Variants in FRMD5 observed in about 807,000 individuals in gnomAD.
The protein encoded by FRMD5 is FERM domain-containing protein 5.
Under a neutral mutation model 69.0 loss-of-function variants are expected in FRMD5, and 20 were observed. That is an observed-to-expected ratio of 0.29 (90% CI 0.20 to 0.42). FRMD5 has a LOEUF of 0.42. Among genes scored for constraint, FRMD5 ranks in the 10% least tolerant of loss-of-function variants. FRMD5 has a pLI of 1.00. For synonymous variants in FRMD5, 271 were observed against 260.1 expected, an observed-to-expected ratio of 1.04 and a Z score of -0.40; for missense variants, 595 against 708.6, an observed-to-expected ratio of 0.84 and a Z score of 1.82.
chr15:44,030,205 T>TA (rs943317535), intron 1 of FRMD5, among the ~76,000 whole-genome samples: 19 of 151,900 alleles, frequency 1.3e-4, no homozygotes, highest in East Asian at 5.8e-4. Context: ...TTTTTTTTTT[T>TA]ACAAAATTAA....
intron 1 of FRMD5, among the ~76,000 whole-genome samples, chr15:44,103,082 C>T (rs564616367): frequency 2.0e-5 from 3 of 152,262 alleles, no homozygotes; most frequent in African/African-American, 7.2e-5. Flanking sequence ...CACACATGGT[C>T]AATTAGGAAG....
intron 1 of FRMD5, among the ~76,000 whole-genome samples, chr15:43,946,454 A>C (rs1466199154): frequency 3.3e-5 from 5 of 152,220 alleles, no homozygotes; most frequent in Non-Finnish European, 2.9e-5. Flanking sequence ...ATTTACACAC[A>C]TTATTTCTAA....
chr15:44,099,222 C>T (rs1322220803), intron 1 of FRMD5, among the ~76,000 whole-genome samples: 1 of 152,190 alleles, frequency 6.6e-6, no homozygotes, highest in Non-Finnish European at 1.5e-5. Context: ...AGCCACAGTT[C>T]CCTCTACCAA....
chr15:44,160,590 C>T (rs192871887), intron 1 of FRMD5, among the ~76,000 whole-genome samples: 1 of 152,202 alleles, frequency 6.6e-6, no homozygotes, highest in Non-Finnish European at 1.5e-5. Flanking sequence ...TGGTGAGCAT[C>T]TTCCTGTATT....
chr15:44,164,412 A>G (rs1418741018), intron 1 of FRMD5, among the ~76,000 whole-genome samples: 1 of 152,172 alleles, frequency 6.6e-6, no homozygotes, highest in Non-Finnish European at 1.5e-5. Context: ...CTATTCTGCA[A>G]ATTAAAATCA....
At chr15:44,156,219 C>T (rs2077525926) in intron 1 of FRMD5, among the ~76,000 whole-genome samples, 1 of 152,152 alleles carries the variant, frequency 6.6e-6, no homozygotes, top group East Asian at 1.9e-4. Flanking sequence ...TCTCGGCTCA[C>T]TGCAACCTCT....
intron 1 of FRMD5, among the ~76,000 whole-genome samples, chr15:44,074,257 A>T (rs1026486023): frequency 6.6e-6 from 1 of 152,216 alleles, no homozygotes; most frequent in Non-Finnish European, 1.5e-5. Flanking sequence ...TTTTATTTCA[A>T]AAAGCTTATT....
intron 1 of FRMD5, among the ~76,000 whole-genome samples, chr15:43,950,138 G>GCCCTC (rs1055742716): frequency 5.3e-5 from 8 of 152,310 alleles, no homozygotes; most frequent in African/African-American, 1.4e-4. Context: ...AGTGGTCTCA[G>GCCCTC]CCCTCCTAGC....
Position 44,054,200 on chromosome 15 carries a change from T to A in FRMD5, c.103-129891A>T, listed in dbSNP as rs573626141. On this transcript the variant is annotated intron_variant, in intron 1 of 13. Transcript: ENST00000417257. The stretch of plus-strand genomic sequence containing the variant: ...AAAGGATTAACAGCTACTAATAACA[T>A]GACAAACAGTGTTGTTTTAATGTTA... 1.8e-4 allele frequency among the ~76,000 whole-genome samples: 27 copies of A among 152,350 alleles called. No individual in the cohort carries two copies. The East Asian group carries it at 5.2e-3, about 29-fold the overall frequency.
intron 1 of FRMD5, among the ~76,000 whole-genome samples, chr15:43,959,588 G>C (rs991899273): frequency 1.3e-5 from 2 of 152,178 alleles, no homozygotes; most frequent in Admixed American, 1.3e-4. Context: ...CTCTAGCTGG[G>C]ACACCAACTA....
rs757365299 is a variant in FRMD5, at chr15:43,919,837, A to C, written c.208-28T>G. On this transcript the variant is annotated intron_variant, in intron 2 of 13. Transcript: ENST00000417257. The stretch of plus-strand genomic sequence containing the variant: ...GAAACAGAGAACACAGAACATGAAA[A>C]CCCTAATGAGAAGGGCTGTAAAATA... 5.6e-6 allele frequency: 9 copies of C among 1,606,478 alleles called. No homozygotes were observed. The South Asian group carries it at 9.9e-5, about 18-fold the overall frequency.
At chr15:44,077,313 A>G (rs574502300) in intron 1 of FRMD5, among the ~76,000 whole-genome samples, 2 of 152,246 alleles carry the variant, frequency 1.3e-5, no homozygotes, top group Admixed American at 1.3e-4. Context: ...TGGAGTAGGA[A>G]TATTACTAGA....
At chr15:43,961,388 G>A (rs2090197856) in intron 1 of FRMD5, among the ~76,000 whole-genome samples, 1 of 152,102 alleles carries the variant, frequency 6.6e-6, no homozygotes, top group Admixed American at 6.6e-5. Flanking sequence ...CCAATAACAG[G>A]AGCTGAAATT....
chr15:43,914,723 C>CTTTTTTTTTTTTTT lies in FRMD5; in HGVS notation c.329+4722_329+4735dup, dbSNP rs533023960. The stretch of plus-strand genomic sequence containing the variant: ...CCCAGCAACTCTATGAGGTGACTAC[C>CTTTTTTTTTTTTTT]TTTTTTTTTTTTTTTTTTTTTGAGA... On this transcript the variant is annotated intron_variant, in intron 4 of 13. Coordinates refer to ENST00000417257, the MANE Select transcript of FRMD5 (RefSeq NM_032892.5). 4.1e-4 allele frequency among the ~76,000 whole-genome samples: 45 copies of CTTTTTTTTTTTTTT among 109,362 alleles called. 5 individuals are homozygous for CTTTTTTTTTTTTTT. Among genetic ancestry groups the CTTTTTTTTTTTTTT allele is most frequent in the East Asian group, 1.4e-3 (5 of 3,662 alleles). The allele number at this position is 109,362 out of a possible 152,430, so 71.7% of individuals were successfully genotyped here.
chr15:43,919,023 T>G (rs1051913450), intron 4 of FRMD5: 1 of 293,450 alleles, frequency 3.4e-6, no homozygotes, highest in Admixed American at 4.5e-5. Flanking sequence ...ATTTTAAATC[T>G]TCAGTATCTC....
intron 1 of FRMD5, among the ~76,000 whole-genome samples, chr15:44,000,738 G>GGAGGC (rs1890174753): frequency 6.6e-6 from 1 of 152,210 alleles, no homozygotes; most frequent in African/African-American, 2.4e-5. Flanking sequence ...GGGATTACAG[G>GGAGGC]TGTGATCCAC....
chr15:43,902,062 G>C, intron 7 of FRMD5, 113 bp downstream of exon 7: 1 of 742,298 alleles, frequency 1.3e-6, no homozygotes, highest in Non-Finnish European at 2.4e-6. Context: ...CTCACTGAAA[G>C]TGCCAGCCAT....
chr15:44,178,732 C>A (rs1408639720), intron 1 of FRMD5, among the ~76,000 whole-genome samples: 1 of 152,160 alleles, frequency 6.6e-6, no homozygotes, highest in Non-Finnish European at 1.5e-5. Context: ...CGGTGGCTCA[C>A]ACTTGTAATC....
chr15:43,920,345 CAT>C (rs1362576643), intron 2 of FRMD5, among the ~76,000 whole-genome samples: 2 of 152,074 alleles, frequency 1.3e-5, no homozygotes, highest in African/African-American at 4.8e-5. Flanking sequence ...CTTTGAGTAA[CAT>C]AAATTGCCAA....
Sources: gnomAD v4.1 joint callset for allele counts (sites outside exome capture counted in the v4.1 genomes callset) on GRCh38, gnomAD v4.1.1 for gene constraint, MANE v1.5 for transcripts, NCBI Gene and HGNC (gene_info 2026-07-23, HGNC 2026-07-21) for gene names.